Variants in PHLPP2 observed in about 807,000 individuals in gnomAD.
The protein encoded by PHLPP2 is PH domain and leucine rich repeat protein phosphatase 2, also known as PH domain leucine-rich repeat-containing protein phosphatase 2.
PHLPP2 carries 66 observed loss-of-function variants against 124.9 expected under a neutral mutation model. The observed-to-expected ratio is 0.53, with a 90% CI of 0.43 to 0.65. PHLPP2 has a LOEUF of 0.65. Among genes scored for constraint, PHLPP2 ranks in the 30% least tolerant of loss-of-function variants. PHLPP2 has a pLI of 0.00. For synonymous variants in PHLPP2, 681 were observed against 624.7 expected, an observed-to-expected ratio of 1.09 and a Z score of -1.34; for missense variants, 1,685 against 1,600.4, an observed-to-expected ratio of 1.05 and a Z score of -0.90.
intron 3 of PHLPP2, among the ~76,000 whole-genome samples, chr16:71,697,961 C>T (rs1036833636): frequency 1.3e-5 from 2 of 151,776 alleles, no homozygotes; most frequent in African/African-American, 4.8e-5. Flanking sequence ...CATTCTCCCA[C>T]CTCAGCCTCC....
At chr16:71,681,950 G>A (rs781239528) in intron 5 of PHLPP2, 45 bp from the exon 6 acceptor site, 1 of 1,420,568 alleles carries the variant, frequency 7.0e-7, no homozygotes, top group African/African-American at 1.5e-5. Flanking sequence ...AGTACTGGAT[G>A]TCTATCACCC....
At chr16:71,676,694 TAA>T in intron 8 of PHLPP2, 45 bp from the exon 9 acceptor site, 1 of 1,340,532 alleles carries the variant, frequency 7.5e-7, no homozygotes, top group Non-Finnish European at 1.1e-6. Flanking sequence ...AAGAGTCTAT[TAA>T]ATGTGCTTAC....
At chr16:71,701,042 G>A (rs1199300441) in intron 3 of PHLPP2, among the ~76,000 whole-genome samples, 1 of 152,076 alleles carries the variant, frequency 6.6e-6, no homozygotes, top group African/African-American at 2.4e-5. Flanking sequence ...AGCAGCTGGT[G>A]AGGAACTGAG....
intron 2 of PHLPP2, among the ~76,000 whole-genome samples, chr16:71,710,034 C>T (rs1321301685): frequency 2.0e-5 from 3 of 151,932 alleles, no homozygotes; most frequent in African/African-American, 4.8e-5. Context: ...TTTTTGGTAG[C>T]GACGGGGCTT....
intron 13 of PHLPP2, 57 bp from the exon 14 acceptor site, chr16:71,658,872 A>C: frequency 6.6e-7 from 1 of 1,526,344 alleles, no homozygotes. Context: ...CTGCCAAGGA[A>C]GTGCTATTCT....
At position 71,678,792 on chromosome 16, in the gene PHLPP2, G is replaced by A. The variant is rs1207987785; in HGVS notation, c.1231C>T (p.Leu411=). The A allele has an allele frequency of 9.3e-6, 15 of 1,607,556 alleles. No homozygotes were observed. Among genetic ancestry groups the A allele is most frequent in the Non-Finnish European group, 1.1e-5 (13 of 1,174,200 alleles). ...TGCTTGATATGGTTCATCCTATTCA[G>A]CACCCCTAAGTTCAGGACTTCCAGG... ...NCLEVLNLGV[L]NRMNHIKHVD... The change falls in exon 8 of 19, where the codon CTG becomes TTG. Residue 411 remains leucine, a synonymous_variant. Transcript: ENST00000568954.
At chr16:71,667,790 G>A (rs912676584) in intron 11 of PHLPP2, among the ~76,000 whole-genome samples, 2 of 152,120 alleles carry the variant, frequency 1.3e-5, no homozygotes, top group African/African-American at 4.8e-5. Context: ...ACTTTGATTT[G>A]CCTAAGATTT....
intron 2 of PHLPP2, among the ~76,000 whole-genome samples, chr16:71,712,784 G>A (rs1413050763): frequency 6.6e-6 from 1 of 152,170 alleles, no homozygotes; most frequent in African/African-American, 2.4e-5. Flanking sequence ...TCAAATTTTA[G>A]CTCAGCTAAA....
rs749610584 is a variant in PHLPP2 at position 71,649,253 on chromosome 16, A to G, written c.3609T>C (p.Phe1203=). Residue 1203 remains phenylalanine, a synonymous_variant, in exon 19 of 19, where the codon TTT becomes TTC. Coordinates refer to ENST00000568954, the MANE Select transcript of PHLPP2 (RefSeq NM_015020.3). ...CSEEHARGSC[F]GIRRQNSVNS... The stretch of plus-strand genomic sequence containing the variant: ...TCACACTGTTCTGTCTTCGGATCCC[A>G]AAACACGACCCTCTAGCATGTTCCT... 6.2e-7 allele frequency: 1 copy of G among 1,613,950 alleles called. No individual in the cohort carries two copies. Among genetic ancestry groups the G allele is most frequent in the East Asian group, 2.2e-5 (1 of 44,864 alleles).
At chr16:71,692,075 AT>A (rs879358959) in intron 3 of PHLPP2, among the ~76,000 whole-genome samples, 55 of 147,672 alleles carry the variant, frequency 3.7e-4, no homozygotes, top group South Asian at 1.1e-3. Flanking sequence ...TTATTACATA[AT>A]TTTTTTTTTT....
At chr16:71,654,613 A>C (rs930695920) in intron 17 of PHLPP2, among the ~76,000 whole-genome samples, 10 of 152,182 alleles carry the variant, frequency 6.6e-5, no homozygotes, top group Non-Finnish European at 7.3e-5. Context: ...CTATAAGCTA[A>C]TGGGGTAAGC....
chr16:71,690,240 C>T (rs923194311), intron 4 of PHLPP2, among the ~76,000 whole-genome samples: 1 of 152,132 alleles, frequency 6.6e-6, no homozygotes, highest in Admixed American at 6.5e-5. Flanking sequence ...TTTCCAAAGG[C>T]AGCTTCTAAT....
At chr16:71,694,087 G>A (rs563718838) in intron 3 of PHLPP2, among the ~76,000 whole-genome samples, 5 of 151,840 alleles carry the variant, frequency 3.3e-5, no homozygotes, top group African/African-American at 7.3e-5. Context: ...TCAGCTACTC[G>A]GGAGGCTGAG....
intron 9 of PHLPP2, among the ~76,000 whole-genome samples, chr16:71,674,947 A>G (rs900490936): frequency 3.3e-5 from 5 of 152,362 alleles, no homozygotes; most frequent in African/African-American, 1.2e-4. Flanking sequence ...CAGTGAGCTG[A>G]GACCAGGCAA....
At chr16:71,696,061 T>A (rs2045166749) in intron 3 of PHLPP2, among the ~76,000 whole-genome samples, 1 of 151,914 alleles carries the variant, frequency 6.6e-6, no homozygotes, top group African/African-American at 2.4e-5. Context: ...ATATGAACAA[T>A]AAATAAAAAT....
In PHLPP2 at chr16:71,681,826, T is replaced by C. The variant is rs767854960; in HGVS notation, c.815A>G (p.Gln272Arg). Reference protein sequence around the residue: ...EEVPEHLFYSQDITYLNLRHN... With the variant: ...EEVPEHLFYSRDITYLNLRHN... ...TCGCAAGTTGAGGTAGGTAATATCT[T>C]GACTATAGAAGAGATGCTCAGGAAC... The change falls in exon 6 of 19, where the codon CAA becomes CGA. Residue 272 changes from glutamine (Q) to arginine (R), a missense_variant. Coordinates refer to ENST00000568954, the MANE Select transcript of PHLPP2 (RefSeq NM_015020.3). 1.2e-6 allele frequency: 2 copies of C among 1,613,850 alleles called. No individual in the cohort carries two copies. The highest frequency in any genetic ancestry group is 4.5e-5 in the East Asian group (2 of 44,868).
intron 2 of PHLPP2, among the ~76,000 whole-genome samples, chr16:71,713,940 C>CTTT (rs201734851): frequency 3.5e-5 from 5 of 144,014 alleles, no homozygotes; most frequent in South Asian, 2.2e-4. Context: ...AAAACAACAA[C>CTTT]TTTTCTTTTT....
intron 17 of PHLPP2, chr16:71,655,000 G>T: frequency 2.2e-6 from 1 of 461,174 alleles, no homozygotes; most frequent in Non-Finnish European, 3.9e-6. Flanking sequence ...ATAAATTCTG[G>T]GCTTCCCAGA....
intron 3 of PHLPP2, among the ~76,000 whole-genome samples, chr16:71,697,322 A>G (rs1049956413): frequency 5.3e-5 from 8 of 152,156 alleles, no homozygotes; most frequent in Non-Finnish European, 8.8e-5. Context: ...AGCCCTGAGA[A>G]GCACACACTG....
Sources: gnomAD v4.1 joint callset for allele counts (sites outside exome capture counted in the v4.1 genomes callset) on GRCh38, gnomAD v4.1.1 for gene constraint, MANE v1.5 for transcripts, NCBI Gene and HGNC (gene_info 2026-07-23, HGNC 2026-07-21) for gene names.